Variants in COL24A1 observed in about 807,000 individuals in gnomAD.
COL24A1 encodes the protein collagen type XXIV alpha 1 chain.
In COL24A1, 224 loss-of-function variants were observed where a neutral mutation model predicts 253.9. That is an observed-to-expected ratio of 0.88 (90% CI 0.79 to 0.99). The LOEUF (loss-of-function observed/expected upper bound fraction) is 0.99. Among genes scored for constraint, COL24A1 ranks in the 50% least tolerant of loss-of-function variants. COL24A1 has a pLI of 0.00. For missense variants in COL24A1, 2,131 were observed against 2,068.5 expected, an observed-to-expected ratio of 1.03 and a Z score of -0.59; for synonymous variants, 685 against 673.7, an observed-to-expected ratio of 1.02 and a Z score of -0.26.
chr1:86,119,708 C>T (rs1028497059), intron 3 of COL24A1, among the ~76,000 whole-genome samples: 1 of 152,092 alleles, frequency 6.6e-6, no homozygotes, highest in African/African-American at 2.4e-5. Flanking sequence ...CTATGCCTCT[C>T]CATATACCAT....
intron 52 of COL24A1, among the ~76,000 whole-genome samples, chr1:85,779,738 GT>G: frequency 6.6e-6 from 1 of 152,058 alleles, no homozygotes; most frequent in East Asian, 1.9e-4. Flanking sequence ...ACACCGATCT[GT>G]TTATTTCTTT....
At chr1:85,786,602 A>G (rs374530419) in intron 47 of COL24A1, 141 bp from the exon 48 acceptor site, 98 of 521,928 alleles carry the variant, frequency 1.9e-4, no homozygotes, top group African/African-American at 1.6e-3. Context: ...CTTCTTTCCC[A>G]GAAGATGAAA....
chr1:85,819,094 T>C (rs1259903756), intron 45 of COL24A1, among the ~76,000 whole-genome samples: 1 of 152,206 alleles, frequency 6.6e-6, no homozygotes. Flanking sequence ...ATAAGGATCA[T>C]GGGTTGTACT....
At chr1:86,013,660 A>AC (rs1696743246) in intron 19 of COL24A1, among the ~76,000 whole-genome samples, 1 of 151,966 alleles carries the variant, frequency 6.6e-6, no homozygotes, top group Non-Finnish European at 1.5e-5. Context: ...ACATGGCAAA[A>AC]CCCCGTCTCT....
At chr1:86,017,480 A>G (rs911397910) in intron 18 of COL24A1, among the ~76,000 whole-genome samples, 2 of 152,190 alleles carry the variant, frequency 1.3e-5, no homozygotes, top group Non-Finnish European at 2.9e-5. Flanking sequence ...GTATGTTTAT[A>G]TGTGTTTCAC....
chr1:86,034,093 CA>C (rs1698811603), intron 12 of COL24A1, among the ~76,000 whole-genome samples, 170 bp from the exon 13 acceptor site: 1 of 151,824 alleles, frequency 6.6e-6, no homozygotes, highest in African/African-American at 2.4e-5. Context: ...TACAATATTT[CA>C]AAAAATAAAA....
intron 35 of COL24A1, among the ~76,000 whole-genome samples, chr1:85,870,924 A>G (rs1003770957): frequency 3.3e-5 from 5 of 152,188 alleles, no homozygotes; most frequent in Non-Finnish European, 7.4e-5. Context: ...TGTTTTGAAA[A>G]GATCAACAAA....
chr1:85,838,648 C>A lies in COL24A1; in HGVS notation c.3628-10G>T, dbSNP rs538754320. 4.3e-6 allele frequency: 7 copies of A among 1,613,484 alleles called. No individual in the cohort carries two copies. Among genetic ancestry groups the A allele is most frequent in the East Asian group, 2.2e-5 (1 of 44,864 alleles). Reference sequence around the variant, plus strand: ...GGTCCCCCACTGGACCCTACAGAGACCACACACAAAACAATCAGTTTTACA... The same window carrying A: ...GGTCCCCCACTGGACCCTACAGAGAACACACACAAAACAATCAGTTTTACA... On this transcript the variant is annotated splice_polypyrimidine_tract_variant and intron_variant, in intron 42 of 59. Coordinates refer to ENST00000370571, the MANE Select transcript of COL24A1 (RefSeq NM_152890.7).
chr1:86,109,009 C>A (rs2102121915), intron 5 of COL24A1, among the ~76,000 whole-genome samples: 1 of 152,250 alleles, frequency 6.6e-6, no homozygotes, highest in East Asian at 1.9e-4. Context: ...GAATAAAAGC[C>A]ATGTGGAAAT....
At chr1:86,029,717 G>T (rs1698381650) in intron 14 of COL24A1, 2 of 151,482 alleles carry the variant, frequency 1.3e-5, no homozygotes, top group Admixed American at 6.6e-5. Context: ...CTGAGCTCAG[G>T]AGATGCTCTC....
intron 28 of COL24A1, among the ~76,000 whole-genome samples, chr1:85,899,410 G>A (rs1684062754): frequency 6.6e-6 from 1 of 152,108 alleles, no homozygotes. Flanking sequence ...GTAATTGGTA[G>A]AAGATAACAG....
At position 86,092,279 on chromosome 1, in the gene COL24A1, A is replaced by T; in HGVS notation, c.1641T>A (p.Val547=). The T allele has an allele frequency of 6.2e-7, 1 of 1,602,960 alleles. No individual in the cohort carries two copies. Reference sequence around the variant, plus strand: ...GTCAAATAATTACCTTTTCTCCAGGAACAGGTTGACCTGGGGAAAATCCTG... The same window carrying T: ...GTCAAATAATTACCTTTTCTCCAGGTACAGGTTGACCTGGGGAAAATCCTG... ...GDPGFSPGQP[V]PGEKGDQGLS... The change falls in exon 6 of 60, where the codon GTT becomes GTA. Residue 547 remains valine, a synonymous_variant. Transcript: ENST00000370571.
chr1:86,109,674 C>T (rs1260289711), intron 5 of COL24A1, among the ~76,000 whole-genome samples: 2 of 152,186 alleles, frequency 1.3e-5, no homozygotes, highest in Non-Finnish European at 2.9e-5. Context: ...GGGTGAGACC[C>T]TCAAAGATTC....
At chr1:85,976,243 C>G (rs561057163) in intron 20 of COL24A1, among the ~76,000 whole-genome samples, 1 of 152,204 alleles carries the variant, frequency 6.6e-6, no homozygotes, top group South Asian at 2.1e-4. Flanking sequence ...AAGCTTATAG[C>G]CTGGGGCAAG....
At chr1:86,003,978 C>A (rs1188847191) in intron 19 of COL24A1, among the ~76,000 whole-genome samples, 3 of 152,158 alleles carry the variant, frequency 2.0e-5, no homozygotes, top group Admixed American at 1.3e-4. Flanking sequence ...TGGTCACTCC[C>A]AGATTGGCAT....
chr1:85,778,689 C>T (rs1668850894), intron 52 of COL24A1, among the ~76,000 whole-genome samples: 1 of 149,774 alleles, frequency 6.7e-6, no homozygotes, highest in Non-Finnish European at 1.5e-5. Flanking sequence ...ACTGCAACCT[C>T]TGCCTCCCAG....
chr1:86,001,371 G>A (rs552150425), intron 19 of COL24A1, among the ~76,000 whole-genome samples: 76 of 152,308 alleles, frequency 5.0e-4, no homozygotes, highest in South Asian at 2.3e-3. Context: ...CTAACTAGAA[G>A]TCACTAGCAA....
intron 33 of COL24A1, 150 bp from the exon 34 acceptor site, chr1:85,875,480 T>A (rs1681048240): frequency 5.0e-6 from 3 of 596,598 alleles, no homozygotes; most frequent in Non-Finnish European, 9.0e-6. Context: ...GCAGATTCTT[T>A]CTGACACCCT....
chr1:85,795,715 T>C (rs1183575138), intron 47 of COL24A1, among the ~76,000 whole-genome samples: 1 of 152,142 alleles, frequency 6.6e-6, no homozygotes, highest in Non-Finnish European at 1.5e-5. Flanking sequence ...TTATTAACTA[T>C]GTGAGAAGAT....
Sources: allele counts gnomAD v4.1 joint callset (sites outside exome capture counted in the v4.1 genomes callset), GRCh38; gene constraint gnomAD v4.1.1; transcripts MANE v1.5; gene names NCBI Gene and HGNC (gene_info 2026-07-23, HGNC 2026-07-21).